Variants in ELMO1 observed in about 807,000 individuals in gnomAD.
The protein encoded by ELMO1 is engulfment and cell motility 1.
In ELMO1, 26 loss-of-function variants were observed where a neutral mutation model predicts 98.9. That is an observed-to-expected ratio of 0.26 (90% CI 0.19 to 0.36). The LOEUF is 0.36. Among genes scored for constraint, ELMO1 ranks in the 10% least tolerant of loss-of-function variants. ELMO1 has a pLI of 1.00. For synonymous variants in ELMO1, 346 were observed against 346.0 expected, an observed-to-expected ratio of 1.00 and a Z score of 0.00; for missense variants, 627 against 935.2, an observed-to-expected ratio of 0.67 and a Z score of 4.30.
Position 37,233,101 on chromosome 7 carries a change from A to C in ELMO1, c.543T>G (p.Ile181Met). ...VSWDTFSVAF[I>M]KKIASFVNKS... ...GAGGCAGAGTCCACCTTACCTTCTT[A>C]ATGAACGCCACCGAAAATGTATCCC... The change falls in exon 8 of 22, where the codon ATT becomes ATG. Residue 181 changes from isoleucine to methionine, a missense_variant. By Grantham distance (10) the Ile-to-Met change is conservative. Around this residue, in one of 3 missense-constraint regions of ELMO1, gnomAD observed 492 missense variants for 715.6 expected, o/e 0.69. Transcript: ENST00000310758. 1 of 1,613,234 alleles carries C rather than the reference A, an allele frequency of 6.2e-7. No homozygotes were observed. The highest frequency in any genetic ancestry group is 1.1e-5 in the South Asian group (1 of 91,010).
At chr7:37,294,653 G>C (rs555481152) in intron 4 of ELMO1, among the ~76,000 whole-genome samples, 1 of 152,116 alleles carries the variant, frequency 6.6e-6, no homozygotes, top group Non-Finnish European at 1.5e-5. Flanking sequence ...AGTGATTATT[G>C]GTTAAAAAAA....
At chr7:37,119,500 A>G (rs530253599) in intron 14 of ELMO1, among the ~76,000 whole-genome samples, 14 of 152,174 alleles carry the variant, frequency 9.2e-5, no homozygotes, top group Non-Finnish European at 1.3e-4. Flanking sequence ...TCTCCCAACT[A>G]TTTTTTGTAA....
rs1323136541 is a variant in ELMO1 at position 37,272,528 on chromosome 7, A to G, written c.193-646T>C. On this transcript the variant is annotated intron_variant, in intron 4 of 21. Transcript: ENST00000310758. Reference sequence around the variant, plus strand: ...AATAAAAATACAAAAAGAAAAAATTAGCCAGGCATAGTGGCAGGCGCCTGT... The same window carrying G: ...AATAAAAATACAAAAAGAAAAAATTGGCCAGGCATAGTGGCAGGCGCCTGT... 2.0e-5 allele frequency among the ~76,000 whole-genome samples: 3 copies of G among 152,166 alleles called. No homozygotes were observed. In the East Asian group the frequency reaches 5.8e-4, roughly 29 times the overall value.
chr7:37,348,937 C>T (rs1487721897), intron 1 of ELMO1, among the ~76,000 whole-genome samples: 3 of 152,184 alleles, frequency 2.0e-5, no homozygotes. Flanking sequence ...CCTTTTAATG[C>T]TCTTTGTAGT....
At chr7:37,093,126 T>A (rs559401415) in intron 15 of ELMO1, among the ~76,000 whole-genome samples, 1 of 152,190 alleles carries the variant, frequency 6.6e-6, no homozygotes, top group East Asian at 1.9e-4. Context: ...CTATTAGAGG[T>A]AACATTTGCT....
At chr7:37,222,506 C>T (rs1428567600) in intron 10 of ELMO1, 109 bp downstream of exon 10, 5 of 1,079,246 alleles carry the variant, frequency 4.6e-6, no homozygotes, top group Non-Finnish European at 6.9e-6. Context: ...CATCTGTGGC[C>T]AGGATAGCAG....
At chr7:37,239,469 T>C (rs577088612) in intron 7 of ELMO1, among the ~76,000 whole-genome samples, 40 of 152,288 alleles carry the variant, frequency 2.6e-4, no homozygotes, top group African/African-American at 9.4e-4. Flanking sequence ...CCAGCCAATT[T>C]CAATTTTTTT....
At chr7:37,110,111 C>T (rs775701101) in intron 14 of ELMO1, among the ~76,000 whole-genome samples, 1 of 152,162 alleles carries the variant, frequency 6.6e-6, no homozygotes, top group African/African-American at 2.4e-5. Context: ...AAGCAGCCTC[C>T]GTGATAAACA....
At chr7:37,285,120 C>A (rs1204195047) in intron 4 of ELMO1, among the ~76,000 whole-genome samples, 1 of 152,226 alleles carries the variant, frequency 6.6e-6, no homozygotes, top group African/African-American at 2.4e-5. Context: ...TGACAAGTTT[C>A]TGCATCACCC....
intron 16 of ELMO1, among the ~76,000 whole-genome samples, chr7:36,917,856 T>C (rs929208082): frequency 6.6e-6 from 1 of 152,136 alleles, no homozygotes; most frequent in South Asian, 2.1e-4. Context: ...GGGGAAGATA[T>C]AAACAAAATG....
chr7:37,404,362 T>A (rs1803663655), intron 1 of ELMO1, among the ~76,000 whole-genome samples: 1 of 152,124 alleles, frequency 6.6e-6, no homozygotes, highest in Non-Finnish European at 1.5e-5. Context: ...GCGCCATGAT[T>A]TCTATGGGTA....
chr7:37,390,358 G>C (rs987817469), intron 1 of ELMO1, among the ~76,000 whole-genome samples: 8 of 152,198 alleles, frequency 5.3e-5, no homozygotes, highest in African/African-American at 1.9e-4. Context: ...TCGCAGAGTG[G>C]AGGGTGGCAG....
At chr7:37,136,937 A>G (rs763438667) in intron 13 of ELMO1, among the ~76,000 whole-genome samples, 11 of 152,188 alleles carry the variant, frequency 7.2e-5, no homozygotes, top group Non-Finnish European at 1.3e-4. Context: ...CATTGAATGT[A>G]AATGGCCTCA....
intron 13 of ELMO1, among the ~76,000 whole-genome samples, chr7:37,165,642 T>C (rs1483689323): frequency 1.3e-5 from 2 of 152,118 alleles, no homozygotes; most frequent in Non-Finnish European, 2.9e-5. Flanking sequence ...ATTACATTTA[T>C]TGATTTGCGT....
chr7:36,932,943 G>C (rs919476420), intron 16 of ELMO1, among the ~76,000 whole-genome samples: 7 of 152,338 alleles, frequency 4.6e-5, no homozygotes, highest in African/African-American at 1.7e-4. Flanking sequence ...CAGAGACAGT[G>C]GGCGGATGCC....
chr7:37,165,397 G>A (rs1789597108), intron 13 of ELMO1, among the ~76,000 whole-genome samples: 1 of 151,844 alleles, frequency 6.6e-6, no homozygotes, highest in African/African-American at 2.4e-5. Context: ...GTGAGAGAGG[G>A]CATCCCTGTC....
At chr7:36,979,905 T>C (rs933563534) in intron 16 of ELMO1, among the ~76,000 whole-genome samples, 2 of 152,182 alleles carry the variant, frequency 1.3e-5, no homozygotes, top group Admixed American at 6.5e-5. Flanking sequence ...ACCAGGCAAG[T>C]GGACGTCAGA....
intron 15 of ELMO1, among the ~76,000 whole-genome samples, chr7:37,035,520 T>C (rs1795127653): frequency 6.6e-6 from 1 of 152,260 alleles, no homozygotes; most frequent in Admixed American, 6.5e-5. Flanking sequence ...TGAATTTCCT[T>C]TTCTTTTTTA....
intron 10 of ELMO1, among the ~76,000 whole-genome samples, chr7:37,218,467 C>T (rs976404179): frequency 6.6e-6 from 1 of 151,868 alleles, no homozygotes; most frequent in Admixed American, 6.6e-5. Flanking sequence ...ATACTACCCT[C>T]CTAAGGAACA....
Sources: gnomAD v4.1 joint callset for allele counts (sites outside exome capture counted in the v4.1 genomes callset) on GRCh38, gnomAD v4.1.1 for gene constraint, gnomAD v4.1.1 regional missense constraint, MANE v1.5 for transcripts, NCBI Gene and HGNC (gene_info 2026-07-23, HGNC 2026-07-21) for gene names.